Variants in SYNE1 observed in about 807,000 individuals in gnomAD.
SYNE1 encodes nesprin-1.
Under a neutral mutation model 1,111.0 loss-of-function variants are expected in SYNE1, and 616 were observed. The ratio of observed to expected loss-of-function variants is 0.55; its 90% confidence interval spans 0.52 to 0.59. The LOEUF is 0.59. Ranked by LOEUF, SYNE1 falls within the 20% of genes least tolerant of loss-of-function variation. The probability of loss-of-function intolerance (pLI) is 0.00; values close to 1 mark genes in which losing one functional copy is unlikely to be tolerated. For missense variants in SYNE1, 10,006 were observed against 10,417.0 expected (o/e 0.96, Z 1.72); for synonymous variants, 3,855 against 3,825.8 (o/e 1.01, Z -0.28).
intron 84 of SYNE1, 28 bp downstream of exon 84, chr6:152,321,210 A>G: frequency 6.2e-7 from 1 of 1,612,492 alleles, no homozygotes; most frequent in South Asian, 1.1e-5. Context: ...CAAAATGGAA[A>G]GACACTCTTT....
At chr6:152,533,453 A>G (rs2099215724) in intron 4 of SYNE1, among the ~76,000 whole-genome samples, 1 of 152,078 alleles carries the variant, frequency 6.6e-6, no homozygotes, top group Non-Finnish European at 1.5e-5. Context: ...CAAGTTATTT[A>G]TTTGGTACAA....
chr6:152,187,461 T>C (rs1373642139), intron 128 of SYNE1, among the ~76,000 whole-genome samples: 2 of 152,040 alleles, frequency 1.3e-5, no homozygotes, highest in Admixed American at 6.6e-5. Context: ...GGCAGCACAA[T>C]TGGCAGGGAC....
intron 137 of SYNE1, chr6:152,147,696 G>A (rs2059761632): frequency 6.4e-6 from 2 of 312,002 alleles, no homozygotes; most frequent in Non-Finnish European, 6.1e-6. Flanking sequence ...GCCCCTGCTT[G>A]TGTGTCCTGC....
At chr6:152,471,483 C>T (rs1029275260) in intron 16 of SYNE1, 114 bp downstream of exon 16, 5 of 1,011,570 alleles carry the variant, frequency 4.9e-6, no homozygotes, top group Admixed American at 1.9e-5. Context: ...CCATTTAACA[C>T]ACGCTATCTT....
chr6:152,525,881 G>A (rs571097423), intron 5 of SYNE1, among the ~76,000 whole-genome samples, 199 bp downstream of exon 5: 2 of 152,238 alleles, frequency 1.3e-5, no homozygotes, highest in East Asian at 1.9e-4. Flanking sequence ...AAATGCACTA[G>A]GGGTTTGCAG....
At chr6:152,534,386 TA>T (rs2099223411) in intron 4 of SYNE1, among the ~76,000 whole-genome samples, 1 of 152,134 alleles carries the variant, frequency 6.6e-6, no homozygotes, top group South Asian at 2.1e-4. Context: ...TTTTCCTTTA[TA>T]ACATTTTAAT....
intron 56 of SYNE1, among the ~76,000 whole-genome samples, chr6:152,378,847 C>T (rs1242425830): frequency 6.6e-6 from 1 of 152,162 alleles, no homozygotes; most frequent in East Asian, 1.9e-4. Flanking sequence ...TGCGTATCTC[C>T]CCACCTAGGC....
chr6:152,449,387 G>A (rs1377425203), intron 28 of SYNE1, 146 bp downstream of exon 28: 3 of 680,186 alleles, frequency 4.4e-6, no homozygotes, highest in Non-Finnish European at 7.8e-6. Context: ...ATGCTCCACA[G>A]TAATATAAGG....
At chr6:152,244,399 TA>T in intron 106 of SYNE1, 137 bp downstream of exon 106, 1 of 1,303,764 alleles carries the variant, frequency 7.7e-7, no homozygotes, top group Non-Finnish European at 1.1e-6. Flanking sequence ...GAAAATTTTC[TA>T]AGAGTTGCTT....
At chr6:152,321,019 G>T (rs2095857802) in intron 84 of SYNE1, among the ~76,000 whole-genome samples, 1 of 152,112 alleles carries the variant, frequency 6.6e-6, no homozygotes, top group Admixed American at 6.5e-5. Flanking sequence ...GTGAGGGGAA[G>T]CACAAAAATT....
intron 59 of SYNE1, among the ~76,000 whole-genome samples, chr6:152,370,830 G>A (rs140239883): frequency 1.2e-4 from 18 of 152,300 alleles, no homozygotes; most frequent in Middle Eastern, 3.4e-3. Context: ...ACCTGTATCT[G>A]GTCTGGGTCG....
Position 152,149,541 on chromosome 6 carries a change from C to A in SYNE1, c.24578G>T (p.Arg8193Leu). Residue 8193 changes from arginine (R) to leucine (L), a missense_variant, in exon 136 of 146, where the codon CGA (arginine) becomes CTA (leucine). Physicochemically the swap from Arg to Leu is moderately radical, Grantham distance 102. Transcript: ENST00000367255. The part of the protein sequence containing the change: ...AIIEEELDEL[R>L]RYCQEVFGRV... ...CCCGAAGACCTCCTGGCAGTACCGTCGGAGCTCATCTAGTTCCTCCTCGAT... is the reference window on the plus strand; with the variant it reads ...CCCGAAGACCTCCTGGCAGTACCGTAGGAGCTCATCTAGTTCCTCCTCGAT... The A allele has an allele frequency of 6.2e-7, 1 of 1,614,172 alleles. No homozygotes were observed. Among genetic ancestry groups the A allele is most frequent in the Non-Finnish European group, 8.5e-7 (1 of 1,180,026 alleles).
At chr6:152,456,400 C>G (rs1392962069) in intron 22 of SYNE1, among the ~76,000 whole-genome samples, 1 of 151,566 alleles carries the variant, frequency 6.6e-6, no homozygotes, top group Non-Finnish European at 1.5e-5. Flanking sequence ...ATTGAGAGAA[C>G]AATCATGAAA....
rs1456649776 is a variant in SYNE1 at position 152,526,089 on chromosome 6, C to T, written c.216G>A (p.Gly72=). 7.4e-6 allele frequency: 12 copies of T among 1,613,716 alleles called. No homozygotes were observed. The highest frequency in any genetic ancestry group is 1.0e-5 in the Non-Finnish European group (12 of 1,179,862). The change falls in exon 5 of 146, where the codon GGG becomes GGA. Residue 72 remains glycine, a synonymous_variant. Transcript: ENST00000367255. The part of the protein sequence containing the change: ...KLLALLEVLS[G]QKLPCEQGRR... ...ACAAAAAAATTCTTACCAGTTTCTG[C>T]CCAGACAGGACCTCCAGAAGGGCAA...
intron 84 of SYNE1, chr6:152,320,355 A>G (rs1017947218): frequency 2.6e-5 from 4 of 152,238 alleles, no homozygotes; most frequent in African/African-American, 7.2e-5. Context: ...TACATTGAAG[A>G]TTCCAAAAGT....
Position 152,466,112 on chromosome 6 carries a change from C to T in SYNE1, c.1633-34G>A, listed in dbSNP as rs923259130. ...GGAGGAATGGTTAGAAGATAGCAAA[C>T]ATTAGGCTCATGTAGAATGCCAAAG... On this transcript the variant is annotated intron_variant, in intron 16 of 145. Transcript: ENST00000367255. The T allele has an allele frequency of 2.2e-6, 3 of 1,371,710 alleles. No individual in the cohort carries two copies. In the African/African-American group the frequency reaches 4.3e-5, roughly 20 times the overall value. 85.0% of individuals were successfully genotyped at this position (1,371,710 alleles called of 1,614,324 possible). A position where few individuals can be genotyped will look rare whatever the true frequency, so the allele number is the denominator to read the frequency against.
In SYNE1 at chr6:152,230,508, A is replaced by T. The variant is rs761396216; in HGVS notation, c.21195+39T>A. ...TAAACATATTAGCATACGCTATGAA[A>T]TTGTGAGATGGTGCATGTTAGCCAC... On this transcript the variant is annotated intron_variant, in intron 115 of 145. Transcript: ENST00000367255. 1.6e-5 allele frequency: 26 copies of T among 1,603,610 alleles called. No homozygotes were observed. In the East Asian group the frequency reaches 5.8e-4, roughly 36 times the overall value.
chr6:152,559,237 A>G (rs148780923), intron 3 of SYNE1, among the ~76,000 whole-genome samples: 1,648 of 151,578 alleles, frequency 0.011, 15 homozygotes, highest in Non-Finnish European at 0.018. Flanking sequence ...TGCTGGGATT[A>G]CAGCTGAGTG....
chr6:152,622,278 T>A (rs140295500), intron 3 of SYNE1, among the ~76,000 whole-genome samples: 209 of 152,268 alleles, frequency 1.4e-3, no homozygotes, highest in African/African-American at 4.8e-3. Context: ...TTTTAAACTT[T>A]TATTTTAAGT....
Sources: gnomAD v4.1 joint callset for allele counts (sites outside exome capture counted in the v4.1 genomes callset) on GRCh38, gnomAD v4.1.1 for gene constraint, MANE v1.5 for transcripts, NCBI Gene and HGNC (gene_info 2026-07-23, HGNC 2026-07-21) for gene names.